ITGA1: variants seen among roughly 807,000 people sequenced by gnomAD.
ITGA1 encodes integrin alpha-1.
Under a neutral mutation model 145.9 loss-of-function variants are expected in ITGA1, and 85 were observed. The ratio of observed to expected loss-of-function variants is 0.58; its 90% CI spans 0.49 to 0.70. The LOEUF is 0.70. Ranked by LOEUF, ITGA1 falls within the 30% of genes least tolerant of loss-of-function variation. The probability of loss-of-function intolerance (pLI) is 0.00; values close to 1 mark genes in which losing one functional copy is unlikely to be tolerated. For missense variants in ITGA1, 1,351 were observed against 1,418.7 expected (o/e 0.95, Z 0.77); for synonymous variants, 520 against 495.3 (o/e 1.05, Z -0.66).
rs949462030 is a variant in ITGA1, at chr5:52,952,559, G to C, written c.*108G>C. 1.7e-5 allele frequency: 8 copies of C among 466,256 alleles called. No homozygotes were observed. The East Asian group carries it at 3.0e-4, about 18-fold the overall frequency. The allele number at this position is 466,256 out of a possible 1,614,324, so 28.9% of individuals were successfully genotyped here. On this transcript the variant is annotated 3_prime_UTR_variant, in exon 29 of 29. Coordinates refer to ENST00000282588, the MANE Select transcript of ITGA1 (RefSeq NM_181501.2). ...ATTCATGACATAGTCATGTAACTATGTAATCCATCAGGGATTCATTACTTG... is the reference window on the plus strand; with the variant it reads ...ATTCATGACATAGTCATGTAACTATCTAATCCATCAGGGATTCATTACTTG...
rs1749198021 is a variant in ITGA1, at chr5:52,838,438, CATTTT to C, written c.62-10926_62-10922del. On this transcript the variant is annotated intron_variant, in intron 1 of 28. Transcript: ENST00000282588. ...CACTGTCAGAGTGTGCACAGTATTT[CATTTT>C]GTTAGTTAGCTTCATGAAGACCTTA... Among the ~76,000 whole-genome samples the C allele has an allele frequency of 5.3e-5, 8 of 152,088 alleles. No homozygotes were observed. In the South Asian group the frequency reaches 1.7e-3, roughly 32 times the overall value.
At chr5:52,789,591 T>G (rs1748199912) in intron 1 of ITGA1, among the ~76,000 whole-genome samples, 1 of 152,184 alleles carries the variant, frequency 6.6e-6, no homozygotes, top group Admixed American at 6.5e-5. Context: ...CATTTCCCAC[T>G]ACTCAGGAAA....
chr5:52,837,732 T>A (rs1434964369), intron 1 of ITGA1, among the ~76,000 whole-genome samples: 1 of 151,976 alleles, frequency 6.6e-6, no homozygotes, highest in East Asian at 1.9e-4. Context: ...ATGTAAAAGA[T>A]GATGCTACTA....
chr5:52,919,165 G>A (rs933040244), intron 16 of ITGA1, among the ~76,000 whole-genome samples: 1 of 152,132 alleles, frequency 6.6e-6, no homozygotes, highest in Non-Finnish European at 1.5e-5. Flanking sequence ...TACTTGCTAT[G>A]TACAATGAGA....
chr5:52,863,530 C>T (rs966092124), intron 3 of ITGA1, among the ~76,000 whole-genome samples: 1 of 152,118 alleles, frequency 6.6e-6, no homozygotes, highest in Non-Finnish European at 1.5e-5. Context: ...GCACAAAACT[C>T]ATTTAGTGCC....
At chr5:52,799,178 C>A (rs1298355465) in intron 1 of ITGA1, among the ~76,000 whole-genome samples, 1 of 152,136 alleles carries the variant, frequency 6.6e-6, no homozygotes, top group African/African-American at 2.4e-5. Flanking sequence ...CTTTTAGATT[C>A]TTTTGTTTTT....
rs933765698 is a variant in ITGA1, at chr5:52,851,046, A to G, written c.182+1561A>G. The stretch of plus-strand genomic sequence containing the variant: ...ACACATATAAAAGTTAATTTTCACT[A>G]ATTACTAATAGTTACACAAATTTTA... On this transcript the variant is annotated intron_variant, in intron 2 of 28. Coordinates refer to ENST00000282588, the MANE Select transcript of ITGA1 (RefSeq NM_181501.2). Among the ~76,000 whole-genome samples the G allele has an allele frequency of 2.0e-5, 3 of 152,336 alleles. No individual in the cohort carries two copies. The East Asian group carries it at 5.8e-4, about 29-fold the overall frequency.
At chr5:52,867,321 T>C (rs191100332) in intron 6 of ITGA1, 11 of 152,158 alleles carry the variant, frequency 7.2e-5, no homozygotes, top group African/African-American at 2.4e-4. Context: ...AGAGAGTGAG[T>C]GGAAGGGTAA....
At chr5:52,924,825 G>A (rs986141567) in intron 18 of ITGA1, among the ~76,000 whole-genome samples, 10 of 152,210 alleles carry the variant, frequency 6.6e-5, no homozygotes, top group East Asian at 3.9e-4. Context: ...GTGGAGAGGC[G>A]GTCAATGAAG....
rs1364368144 is a variant in ITGA1 at position 52,954,338 on chromosome 5, A to G, written c.*1887A>G. ...CAGCAAGATCTTAGTAGTAAAGCTA[A>G]CGGATCCATTGAAATTCATACTCAG... On this transcript the variant is annotated 3_prime_UTR_variant, in exon 29 of 29. Coordinates refer to ENST00000282588, the MANE Select transcript of ITGA1 (RefSeq NM_181501.2). 6.6e-6 allele frequency: 1 copy of G among 152,176 alleles called. No individual in the cohort carries two copies. Among genetic ancestry groups the G allele is most frequent in the Non-Finnish European group, 1.5e-5 (1 of 68,042 alleles). 9.4% of individuals were successfully genotyped at this position (152,176 alleles called of 1,614,324 possible). A position where few individuals can be genotyped will look rare whatever the true frequency, so the allele number is the denominator to read the frequency against.
chr5:52,903,509 A>G (rs1346287072), intron 11 of ITGA1: 1 of 152,188 alleles, frequency 6.6e-6, no homozygotes, highest in African/African-American at 2.4e-5. Flanking sequence ...AATATTCATA[A>G]AGGATAATAT....
At chr5:52,847,086 G>GA (rs1749349428) in intron 1 of ITGA1, among the ~76,000 whole-genome samples, 1 of 152,090 alleles carries the variant, frequency 6.6e-6, no homozygotes, top group Admixed American at 6.6e-5. Flanking sequence ...AATTTGGGGG[G>GA]AAAAATCTGA....
chr5:52,847,088 A>G (rs906108414), intron 1 of ITGA1, among the ~76,000 whole-genome samples: 1 of 152,202 alleles, frequency 6.6e-6, no homozygotes, highest in Non-Finnish European at 1.5e-5. Context: ...TTTGGGGGGA[A>G]AAATCTGACA....
At chr5:52,874,880 A>T (rs893916193) in intron 6 of ITGA1, among the ~76,000 whole-genome samples, 3 of 152,218 alleles carry the variant, frequency 2.0e-5, no homozygotes, top group Admixed American at 2.0e-4. Context: ...GATCTTGACA[A>T]GTAAGTAAGT....
At chr5:52,938,493 C>T (rs1871184) in intron 24 of ITGA1, among the ~76,000 whole-genome samples, 21,412 of 152,008 alleles carry the variant, frequency 0.14, 1,514 homozygotes, top group South Asian at 0.16. Context: ...CTTGTGATCA[C>T]TTAAATGTTT....
intron 15 of ITGA1, among the ~76,000 whole-genome samples, chr5:52,917,056 A>G (rs1164591486): frequency 6.6e-6 from 1 of 152,186 alleles, no homozygotes; most frequent in Non-Finnish European, 1.5e-5. Flanking sequence ...AAGATTCACA[A>G]TGCCTAACAA....
At chr5:52,899,485 G>T (rs1420244066) in intron 11 of ITGA1, among the ~76,000 whole-genome samples, 1 of 152,146 alleles carries the variant, frequency 6.6e-6, no homozygotes. Context: ...AGAACTGCAT[G>T]AATGAAAGTC....
intron 14 of ITGA1, among the ~76,000 whole-genome samples, chr5:52,911,352 G>GTA (rs965822800): frequency 1.5e-5 from 2 of 133,552 alleles, no homozygotes; most frequent in Admixed American, 8.1e-5. Context: ...AGTATATAGT[G>GTA]TATATATAGT....
At chr5:52,892,863 A>G (rs1460938207) in intron 8 of ITGA1, among the ~76,000 whole-genome samples, 1 of 151,624 alleles carries the variant, frequency 6.6e-6, no homozygotes, top group Non-Finnish European at 1.5e-5. Context: ...CTATAGGGGC[A>G]GGAGGGAACT....
Sources: gnomAD v4.1 joint callset for allele counts (sites outside exome capture counted in the v4.1 genomes callset) on GRCh38, gnomAD v4.1.1 for gene constraint, MANE v1.5 for transcripts, NCBI Gene and HGNC (gene_info 2026-07-23, HGNC 2026-07-21) for gene names.